The following SRF variants were observed in gnomAD, a reference collection of about 807,000 sequenced individuals.
SRF encodes c-fos serum response element-binding transcription factor.
A neutral mutation model predicts 37.1 loss-of-function variants in SRF; 7 were observed. That is an observed-to-expected ratio of 0.19 (90% CI 0.11 to 0.35). The LOEUF (loss-of-function observed/expected upper bound fraction) is 0.35. Among genes scored for constraint, SRF ranks in the 10% least tolerant of loss-of-function variants. The pLI, the probability that SRF is intolerant of heterozygous loss-of-function variation, is 1.00. For synonymous variants in SRF, 285 were observed against 310.1 expected, an observed-to-expected ratio of 0.92 and a Z score of 0.85; for missense variants, 395 against 694.4, an observed-to-expected ratio of 0.57 and a Z score of 4.85.
Position 43,171,275 on chromosome 6 carries a change from T to G in SRF, c.-382T>G. 1 of 155,082 alleles carries G rather than the reference T, an allele frequency of 6.4e-6. No individual in the cohort carries two copies. The highest frequency in any genetic ancestry group is 1.4e-5 in the Non-Finnish European group (1 of 69,896). The allele number at this position is 155,082 out of a possible 1,614,324, so 9.6% of individuals were successfully genotyped here. On this transcript the variant is annotated 5_prime_UTR_variant, in exon 1 of 7. In the 5' UTR this introduces an upstream ATG that the reference lacks. Transcript: ENST00000265354. This position sits in a 1 kb window ranked among gnomAD's most constrained non-coding sequence, Gnocchi z 6.5. ...GCGGCCTCGCCATAAAAGGAAACAT[T>G]GTATCTCTTTATATGGGGGGAAGGG...
chr6:43,179,121 G>A lies in SRF; in HGVS notation c.1458G>A (p.Gly486=), dbSNP rs772560438. 6.2e-7 allele frequency: 1 copy of A among 1,614,182 alleles called. No individual in the cohort carries two copies. The highest frequency in any genetic ancestry group is 1.1e-5 in the South Asian group (1 of 91,076). Reference sequence around the variant, plus strand: ...TGGCTGTGATAGGGCAGCAGGCCGGGAGCAGCAGCAACCTCACCGAGCTAC... The same window carrying A: ...TGGCTGTGATAGGGCAGCAGGCCGGAAGCAGCAGCAACCTCACCGAGCTAC... ...HQMAVIGQQA[G]SSSNLTELQV... is the part of the protein sequence containing the mutation. The change falls in exon 7 of 7, where the codon GGG becomes GGA. Residue 486 remains glycine, a synonymous_variant. Transcript: ENST00000265354. The surrounding 1 kb of genome is among the most constrained non-coding windows in gnomAD (Gnocchi z 5.3).
intron 2 of SRF, among the ~76,000 whole-genome samples, chr6:43,174,872 G>A (rs1484558319): frequency 1.3e-5 from 2 of 152,212 alleles, no homozygotes; most frequent in Non-Finnish European, 2.9e-5. Flanking sequence ...GGGCTTGGTG[G>A]CTTGGTTCTC....
chr6:43,176,523 A>G lies in SRF; in HGVS notation c.1043-25A>G. The G allele has an allele frequency of 6.2e-7, 1 of 1,613,580 alleles. No homozygotes were observed. The highest frequency in any genetic ancestry group is 8.5e-7 in the Non-Finnish European group (1 of 1,179,664). On this transcript the variant is annotated intron_variant, in intron 3 of 6. Transcript: ENST00000265354. The surrounding 1 kb of genome is among the most constrained non-coding windows in gnomAD (Gnocchi z 4.0). Reference sequence around the variant, plus strand: ...AGGTGGCAATTGGGTGGGACAGAGCACAAATAAGACTCTGTGTCTTGCAGG... The same window carrying G: ...AGGTGGCAATTGGGTGGGACAGAGCGCAAATAAGACTCTGTGTCTTGCAGG...
intron 2 of SRF, 98 bp downstream of exon 2, chr6:43,174,211 G>A: frequency 6.8e-7 from 1 of 1,467,086 alleles, no homozygotes; most frequent in Non-Finnish European, 9.2e-7. Flanking sequence ...GATGTGGAGT[G>A]GAGCCGGATT....
rs1246365852 is a variant in SRF, at chr6:43,171,936, G to A, written c.280G>A (p.Glu94Lys). 2.0e-6 allele frequency: 3 copies of A among 1,476,338 alleles called. No homozygotes were observed. The highest frequency in any genetic ancestry group is 1.8e-6 in the Non-Finnish European group (2 of 1,113,836). The allele number at this position is 1,476,338 out of a possible 1,614,324, so 91.5% of individuals were successfully genotyped here. ...GGGCGAGGAGGAGGAGCTGGGCGCC[G>A]AGCGGCGCGGCCTGAAGCGGAGCCT... ...ESGEEEELGAERRGLKRSLSE... is the reference protein window; with the variant it reads ...ESGEEEELGAKRRGLKRSLSE... The change falls in exon 1 of 7, where the codon GAG becomes AAG. Residue 94 changes from glutamate to lysine, a missense_variant. Glu to Lys is a moderately conservative substitution (Grantham distance 56, BLOSUM62 1). Around this residue, in one of 4 missense-constraint regions of SRF, gnomAD observed 134 missense variants for 204.5 expected, o/e 0.66. Coordinates refer to ENST00000265354, the MANE Select transcript of SRF (RefSeq NM_003131.4). The surrounding 1 kb of genome is among the most constrained non-coding windows in gnomAD (Gnocchi z 6.5).
chr6:43,173,383 A>G lies in SRF; in HGVS notation c.514-464A>G, dbSNP rs1772143500. Among the ~76,000 whole-genome samples the G allele has an allele frequency of 1.3e-5, 2 of 152,196 alleles. No homozygotes were observed. ...AAACTAGGCTGTGGCAACAAGTTGG[A>G]GCCTGTGCAGTTTCTGGAAAGAAAC... On this transcript the variant is annotated intron_variant, in intron 1 of 6. Transcript: ENST00000265354. This position sits in a 1 kb window ranked among gnomAD's most constrained non-coding sequence, Gnocchi z 4.2.
rs779320183 is a variant in SRF, at chr6:43,173,921, C to A, written c.588C>A (p.Thr196=). 14 of 1,613,970 alleles carry A rather than the reference C, an allele frequency of 8.7e-6. No homozygotes were observed. The highest frequency in any genetic ancestry group is 6.7e-5 in the African/African-American group (5 of 74,882). The part of the protein sequence containing the change: ...LVASETGHVY[T]FATRKLQPMI... Reference sequence around the variant, plus strand: ...CCAGTGAGACAGGCCATGTGTATACCTTTGCCACCCGAAAACTGCAGCCCA... The same window carrying A: ...CCAGTGAGACAGGCCATGTGTATACATTTGCCACCCGAAAACTGCAGCCCA... The change falls in exon 2 of 7, where the codon ACC becomes ACA. Residue 196 remains threonine, a synonymous_variant. Transcript: ENST00000265354. This position sits in a 1 kb window ranked among gnomAD's most constrained non-coding sequence, Gnocchi z 4.2.
Position 43,171,852 on chromosome 6 carries a change from A to C in SRF, c.196A>C (p.Thr66Pro). 1 of 1,266,034 alleles carries C rather than the reference A, an allele frequency of 7.9e-7. No homozygotes were observed. The highest frequency in any genetic ancestry group is 3.2e-5 in the East Asian group (1 of 31,742). The allele number at this position is 1,266,034 out of a possible 1,614,324, so 78.4% of individuals were successfully genotyped here. A position where few individuals can be genotyped will look rare whatever the true frequency, so the allele number is the denominator to read the frequency against. Residue 66 changes from threonine (T) to proline (P), a missense_variant, in exon 1 of 7, where the codon ACC becomes CCC. Thr to Pro is a conservative substitution (Grantham distance 38). Coordinates refer to ENST00000265354, the MANE Select transcript of SRF (RefSeq NM_003131.4). This position sits in a 1 kb window ranked among gnomAD's most constrained non-coding sequence, Gnocchi z 6.5. ...LEREAAAAAA[T>P]TPAPTAGALY... ...GCGGGAGGCTGCGGCAGCGGCGGCA[A>C]CCACCCCGGCGCCCACCGCGGGGGC...
rs541077769 is a variant in SRF, at chr6:43,176,301, G to C, written c.1043-247G>C. Among the ~76,000 whole-genome samples the C allele has an allele frequency of 3.9e-5, 6 of 152,350 alleles. No individual in the cohort carries two copies. In the South Asian group the frequency reaches 1.2e-3, roughly 32 times the overall value. On this transcript the variant is annotated intron_variant, in intron 3 of 6. Transcript: ENST00000265354. The surrounding 1 kb of genome is among the most constrained non-coding windows in gnomAD (Gnocchi z 4.0). ...TCATGTCTTTGATGGGTTATTGCCA[G>C]CTCTTGGGTCAACTGAAGAAAAGAG...
chr6:43,176,670 A>G lies in SRF; in HGVS notation c.1162+3A>G. The G allele has an allele frequency of 1.2e-6, 2 of 1,613,330 alleles. No homozygotes were observed. Among genetic ancestry groups the G allele is most frequent in the Non-Finnish European group, 1.7e-6 (2 of 1,179,514 alleles). On this transcript the variant is annotated splice_donor_region_variant and intron_variant, in intron 4 of 6. Coordinates refer to ENST00000265354, the MANE Select transcript of SRF (RefSeq NM_003131.4). The surrounding 1 kb of genome is among the most constrained non-coding windows in gnomAD (Gnocchi z 4.0). ...GCAGACCTCCTCCAGCGGGACAGGT[A>G]TAGCTCGCAGCCCTGTCACCCTCCC...
Position 43,171,653 on chromosome 6 carries a change from C to A in SRF, c.-4C>A. On this transcript the variant is annotated 5_prime_UTR_variant, in exon 1 of 7. Coordinates refer to ENST00000265354, the MANE Select transcript of SRF (RefSeq NM_003131.4). The surrounding 1 kb of genome is among the most constrained non-coding windows in gnomAD (Gnocchi z 6.5). ...TGCCCGTCCGCCCTCCTGCATCGAGCGCCATGTTACCGACCCAAGCTGGGG... is the reference window on the plus strand; with the variant it reads ...TGCCCGTCCGCCCTCCTGCATCGAGAGCCATGTTACCGACCCAAGCTGGGG... The A allele has an allele frequency of 8.3e-7, 1 of 1,210,614 alleles. No individual in the cohort carries two copies. The highest frequency in any genetic ancestry group is 1.0e-6 in the Non-Finnish European group (1 of 972,394). 75.0% of individuals were successfully genotyped at this position (1,210,614 alleles called of 1,614,324 possible).
rs564905026 is a variant in SRF at position 43,180,023 on chromosome 6, C to G, written c.*833C>G. 2 of 152,182 alleles carry G rather than the reference C, an allele frequency of 1.3e-5. No homozygotes were observed. Among genetic ancestry groups the G allele is most frequent in the Non-Finnish European group, 2.9e-5 (2 of 68,022 alleles). 9.4% of individuals were successfully genotyped at this position (152,182 alleles called of 1,614,324 possible). ...AAACTCCCCTTCCCTGGGGAGCCCT[C>G]AGGCTCCCCAGAACTGGCTGGGCCC... On this transcript the variant is annotated 3_prime_UTR_variant, in exon 7 of 7. Coordinates refer to ENST00000265354, the MANE Select transcript of SRF (RefSeq NM_003131.4).
Position 43,178,619 on chromosome 6 carries a change from C to A in SRF, c.1354+134C>A. On this transcript the variant is annotated intron_variant, in intron 5 of 6. Coordinates refer to ENST00000265354, the MANE Select transcript of SRF (RefSeq NM_003131.4). The surrounding 1 kb of genome is among the most constrained non-coding windows in gnomAD (Gnocchi z 4.3). ...CAAATACAACACAGACTTGGATGCT[C>A]ACACACACATTTGGACACCCCACTT... 1 of 1,325,968 alleles carries A rather than the reference C, an allele frequency of 7.5e-7. No homozygotes were observed. Among genetic ancestry groups the A allele is most frequent in the Non-Finnish European group, 1.1e-6 (1 of 948,916 alleles). The allele number at this position is 1,325,968 out of a possible 1,614,324, so 82.1% of individuals were successfully genotyped here.
chr6:43,178,379 G>A lies in SRF; in HGVS notation c.1248G>A (p.Met416Ile), dbSNP rs756446140. The change falls in exon 5 of 7, where the codon ATG (methionine) becomes ATA (isoleucine). Residue 416 changes from methionine to isoleucine, a missense_variant. Transcript: ENST00000265354. The surrounding 1 kb of genome is among the most constrained non-coding windows in gnomAD (Gnocchi z 4.3). Reference sequence around the variant, plus strand: ...TGTACCCTAGCCCGCATGCGGTGATGTATGCCCCCACCTCGGGCCTGGGTG... The same window carrying A: ...TGTACCCTAGCCCGCATGCGGTGATATATGCCCCCACCTCGGGCCTGGGTG... The part of the protein sequence containing the change: ...HMMYPSPHAV[M>I]YAPTSGLGDG... 3.7e-6 allele frequency: 6 copies of A among 1,614,050 alleles called. No individual in the cohort carries two copies. Among genetic ancestry groups the A allele is most frequent in the Non-Finnish European group, 5.1e-6 (6 of 1,180,020 alleles).
At position 43,180,052 on chromosome 6, in the gene SRF, G is replaced by A. The variant is rs1487021003; in HGVS notation, c.*862G>A. 1 of 152,124 alleles carries A rather than the reference G, an allele frequency of 6.6e-6. No individual in the cohort carries two copies. The highest frequency in any genetic ancestry group is 2.4e-5 in the African/African-American group (1 of 41,432). 9.4% of individuals were successfully genotyped at this position (152,124 alleles called of 1,614,324 possible). A position where few individuals can be genotyped will look rare whatever the true frequency, so the allele number is the denominator to read the frequency against. On this transcript the variant is annotated 3_prime_UTR_variant, in exon 7 of 7. Coordinates refer to ENST00000265354, the MANE Select transcript of SRF (RefSeq NM_003131.4). ...CTCCCCAGAACTGGCTGGGCCCCTG[G>A]GGACAGAGCCACCCCATGAGCTCGG...
At position 43,173,769 on chromosome 6, in the gene SRF, T is replaced by C. The variant is rs1043375181; in HGVS notation, c.514-78T>C. 2 of 1,542,176 alleles carry C rather than the reference T, an allele frequency of 1.3e-6. No homozygotes were observed. Among genetic ancestry groups the C allele is most frequent in the Admixed American group, 1.8e-5 (1 of 54,632 alleles). On this transcript the variant is annotated intron_variant, in intron 1 of 6. Coordinates refer to ENST00000265354, the MANE Select transcript of SRF (RefSeq NM_003131.4). This position sits in a 1 kb window ranked among gnomAD's most constrained non-coding sequence, Gnocchi z 4.2. The stretch of plus-strand genomic sequence containing the variant: ...GGAATGGGGGAATGACATCACTGTA[T>C]AATTCTTTTTCCAACTTCTCAAGGA...
chr6:43,179,317 C>T lies in SRF; in HGVS notation c.*127C>T. On this transcript the variant is annotated 3_prime_UTR_variant, in exon 7 of 7. Transcript: ENST00000265354. This position sits in a 1 kb window ranked among gnomAD's most constrained non-coding sequence, Gnocchi z 5.3. ...GAGGCGGGGAGGAGGAACGGGCAGC[C>T]ACAGGACTGAGCCCTCTCACTCCAG... 1 of 966,992 alleles carries T rather than the reference C, an allele frequency of 1.0e-6. No individual in the cohort carries two copies. The highest frequency in any genetic ancestry group is 1.6e-6 in the Non-Finnish European group (1 of 632,752). 59.9% of individuals were successfully genotyped at this position (966,992 alleles called of 1,614,324 possible). A position where few individuals can be genotyped will look rare whatever the true frequency, so the allele number is the denominator to read the frequency against.
At chr6:43,174,248 G>A in intron 2 of SRF, 135 bp downstream of exon 2, 2 of 1,186,266 alleles carry the variant, frequency 1.7e-6, no homozygotes, top group Non-Finnish European at 2.3e-6. Flanking sequence ...GGGGACAGGT[G>A]TCCATCCTCA....
rs112596376 is a variant in SRF at position 43,178,534 on chromosome 6, T to TAC, written c.1354+67_1354+68dup. ...GAAAGGAGGACCGTTTCCTTCTTTA[T>TAC]ACACACACACACACACACATACACA... On this transcript the variant is annotated intron_variant, in intron 5 of 6. Coordinates refer to ENST00000265354, the MANE Select transcript of SRF (RefSeq NM_003131.4). The surrounding 1 kb of genome is among the most constrained non-coding windows in gnomAD (Gnocchi z 4.3). The TAC allele has an allele frequency of 0.024, 35,483 of 1,503,112 alleles. 217 individuals carry two copies. Among genetic ancestry groups the TAC allele is most frequent in the Non-Finnish European group, 0.026 (28,924 of 1,098,218 alleles). 93.1% of individuals were successfully genotyped at this position (1,503,112 alleles called of 1,614,324 possible).
Sources: allele counts gnomAD v4.1 joint callset (sites outside exome capture counted in the v4.1 genomes callset), GRCh38; gene constraint gnomAD v4.1.1; regional missense constraint gnomAD v4.1.1; non-coding constraint Gnocchi (gnomAD v3.1); transcripts MANE v1.5; gene names NCBI Gene and HGNC (gene_info 2026-07-23, HGNC 2026-07-21).